The following KCNJ15 variants were observed in gnomAD, a reference collection of about 807,000 sequenced individuals.
KCNJ15 encodes the protein potassium inwardly rectifying channel subfamily J member 15.
Under a neutral mutation model 23.0 loss-of-function variants are expected in KCNJ15, and 14 were observed. The ratio of observed to expected loss-of-function variants is 0.61; its 90% CI spans 0.40 to 0.95. The LOEUF (loss-of-function observed/expected upper bound fraction) is 0.95. KCNJ15 is among the 40% of genes least tolerant of loss of function. The pLI is 0.00. For missense variants in KCNJ15, 388 were observed against 461.8 expected, an observed-to-expected ratio of 0.84 and a Z score of 1.46; for synonymous variants, 185 against 183.2, an observed-to-expected ratio of 1.01 and a Z score of -0.08.
intron 1 of KCNJ15, among the ~76,000 whole-genome samples, chr21:38,248,857 T>G (rs189273893): frequency 6.6e-6 from 1 of 152,250 alleles, no homozygotes; most frequent in East Asian, 1.9e-4. Context: ...CCTGATGTCT[T>G]CTGACAGAAC....
chr21:38,295,062 C>A (rs116138313), intron 1 of KCNJ15, among the ~76,000 whole-genome samples: 4,568 of 152,236 alleles, frequency 0.03, 210 homozygotes, highest in African/African-American at 0.1. Context: ...AGGATTAACC[C>A]TTTTCTCATT....
chr21:38,235,793 GTACT>G (rs974912963), intron 1 of KCNJ15, among the ~76,000 whole-genome samples: 1 of 152,112 alleles, frequency 6.6e-6, no homozygotes, highest in Non-Finnish European at 1.5e-5. Context: ...AAGATACTGA[GTACT>G]TAAAGTTACT....
At chr21:38,238,673 G>A in intron 1 of KCNJ15, 1 of 517,936 alleles carries the variant, frequency 1.9e-6, no homozygotes, top group Non-Finnish European at 3.6e-6. Flanking sequence ...TCTGGAGACT[G>A]TAATGTTTTA....
chr21:38,297,397 G>A (rs1321054974), intron 2 of KCNJ15, among the ~76,000 whole-genome samples: 6 of 152,204 alleles, frequency 3.9e-5, no homozygotes, highest in Non-Finnish European at 8.8e-5. Flanking sequence ...CTGGCAGAGG[G>A]CTGAGTGCCC....
rs1391012630 is a variant in KCNJ15 at position 38,305,851 on chromosome 21, A to G, written c.*5462A>G. 1 of 152,222 alleles carries G rather than the reference A, an allele frequency of 6.6e-6. No homozygotes were observed. The highest frequency in any genetic ancestry group is 1.5e-5 in the Non-Finnish European group (1 of 68,032). The allele number at this position is 152,222 out of a possible 1,614,324, so 9.4% of individuals were successfully genotyped here. On this transcript the variant is annotated 3_prime_UTR_variant, in exon 3 of 3. Coordinates refer to ENST00000398938, the MANE Select transcript of KCNJ15 (RefSeq NM_170736.3). ...TCTTTATTTGGAGTTTATGATATTCATACAACTAGTAGTAGAGTCAGGGAG... is the reference window on the plus strand; with the variant it reads ...TCTTTATTTGGAGTTTATGATATTCGTACAACTAGTAGTAGAGTCAGGGAG...
At chr21:38,288,160 C>G (rs1164878849) in intron 1 of KCNJ15, among the ~76,000 whole-genome samples, 1 of 149,476 alleles carries the variant, frequency 6.7e-6, no homozygotes, top group Non-Finnish European at 1.5e-5. Context: ...CCTGCCTCAG[C>G]CTCCCGAGCA....
rs1241831779 is a variant in KCNJ15 at position 38,300,175 on chromosome 21, T to A, written c.914T>A (p.Ile305Asn). The A allele has an allele frequency of 6.2e-7, 1 of 1,614,154 alleles. No homozygotes were observed. The highest frequency in any genetic ancestry group is 1.7e-5 in the Admixed American group (1 of 60,026). ...QSRTSYIPEE[I>N]YWGFEFVPVV... Reference sequence around the variant, plus strand: ...CGAACATCTTATATCCCAGAGGAAATCTACTGGGGTTTTGAGTTTGTGCCT... The same window carrying A: ...CGAACATCTTATATCCCAGAGGAAAACTACTGGGGTTTTGAGTTTGTGCCT... The change falls in exon 3 of 3, where the codon ATC (isoleucine) becomes AAC (asparagine). Residue 305 changes from isoleucine (I) to asparagine (N), a missense_variant. By Grantham distance (149) the Ile-to-Asn change is moderately radical. Transcript: ENST00000398938.
upstream of KCNJ15, among the ~76,000 whole-genome samples, chr21:38,253,024 C>T (rs1246480571): frequency 6.6e-6 from 1 of 152,200 alleles, no homozygotes; most frequent in Non-Finnish European, 1.5e-5. Context: ...CCTTTCTACT[C>T]TCAGTCAAAG....
intron 1 of KCNJ15, among the ~76,000 whole-genome samples, chr21:38,274,387 C>A (rs1982430560): frequency 6.7e-6 from 1 of 149,892 alleles, no homozygotes; most frequent in South Asian, 2.1e-4. Flanking sequence ...TTCTGTCCTC[C>A]TCTACTCCTC....
chr21:38,287,915 C>T (rs1311729073), intron 1 of KCNJ15, among the ~76,000 whole-genome samples: 1 of 151,506 alleles, frequency 6.6e-6, no homozygotes, highest in East Asian at 1.9e-4. Flanking sequence ...CTGTGTTCCA[C>T]TGCGATACAG....
rs150780303 is a variant in KCNJ15 at position 38,301,966 on chromosome 21, G to GCA, written c.*1590_*1591dup. The GCA allele has an allele frequency of 3.1e-4, 49 of 156,138 alleles. No homozygotes were observed. Among genetic ancestry groups the GCA allele is most frequent in the African/African-American group, 9.0e-4 (37 of 41,064 alleles). 9.7% of individuals were successfully genotyped at this position (156,138 alleles called of 1,614,324 possible). On this transcript the variant is annotated 3_prime_UTR_variant, in exon 3 of 3. Transcript: ENST00000398938. ...ACCAAGCACACACACAGTCACACAC[G>GCA]CACACACACACACATGCACACACGC...
chr21:38,255,047 A>T (rs1980096112), upstream of KCNJ15, among the ~76,000 whole-genome samples: 1 of 152,216 alleles, frequency 6.6e-6, no homozygotes, highest in Non-Finnish European at 1.5e-5. Flanking sequence ...TAAGACAGGT[A>T]CCATTGAGCT....
rs1327750151 is a variant in KCNJ15 at position 38,307,225 on chromosome 21, T to C, written c.*6836T>C. ...AATACCTACTTTTGTATGCTATGAA[T>C]TCATCCGTTTACTTGTCAAATCCTT... On this transcript the variant is annotated 3_prime_UTR_variant, in exon 3 of 3. Transcript: ENST00000398938. 1 of 152,256 alleles carries C rather than the reference T, an allele frequency of 6.6e-6. No homozygotes were observed. Among genetic ancestry groups the C allele is most frequent in the Non-Finnish European group, 1.5e-5 (1 of 68,052 alleles). 9.4% of individuals were successfully genotyped at this position (152,256 alleles called of 1,614,324 possible).
Position 38,300,128 on chromosome 21 carries a change from C to T in KCNJ15, c.867C>T (p.Ser289=), listed in dbSNP as rs1161352499. Residue 289 remains serine, a synonymous_variant, in exon 3 of 3, where the codon TCC becomes TCT. Transcript: ENST00000398938. ...TCCTCCTCAATGCCACTGTGGAATC[C>T]ACCAGCGCTGTCTGCCAGAGCCGAA... ...LVVLLNATVE[S]TSAVCQSRTS... is the part of the protein sequence containing the mutation. The T allele has an allele frequency of 2.5e-6, 4 of 1,614,170 alleles. No individual in the cohort carries two copies. The highest frequency in any genetic ancestry group is 2.2e-5 in the South Asian group (2 of 91,080).
chr21:38,232,195 T>C (rs1402410773), intron 1 of KCNJ15, among the ~76,000 whole-genome samples: 1 of 151,698 alleles, frequency 6.6e-6, no homozygotes, highest in Non-Finnish European at 1.5e-5. Context: ...GGTTTATGTG[T>C]TTTTAGAAAT....
intron 1 of KCNJ15, among the ~76,000 whole-genome samples, chr21:38,269,637 C>A (rs1037067592): frequency 6.6e-6 from 1 of 152,120 alleles, no homozygotes; most frequent in South Asian, 2.1e-4. Flanking sequence ...GAAAAAGCAC[C>A]GACCTCAGTG....
intron 1 of KCNJ15, among the ~76,000 whole-genome samples, chr21:38,289,133 G>T (rs781765460): frequency 8.8e-5 from 13 of 148,052 alleles, no homozygotes; most frequent in Admixed American, 2.0e-4. Flanking sequence ...GGAGGCTGAG[G>T]TTGCAGTGAG....
chr21:38,283,751 T>C (rs1983596737), intron 1 of KCNJ15, among the ~76,000 whole-genome samples: 1 of 143,568 alleles, frequency 7.0e-6, no homozygotes, highest in African/African-American at 2.5e-5. Flanking sequence ...TAGATTACTC[T>C]ATCGGACACC....
chr21:38,239,168 G>A lies in KCNJ15; in HGVS notation c.-398-17878G>A, dbSNP rs1011462055. ...CTTTTGTGTTTAATATTTCAGTGAG[G>A]CAGGTGTCCCTAAAGGCATGTTGAC... On this transcript the variant is annotated intron_variant, in intron 1 of 4. Transcript: ENST00000547341. Among the ~76,000 whole-genome samples, 63 of 152,158 alleles carry A rather than the reference G, an allele frequency of 4.1e-4. 1 individual carries two copies. Among genetic ancestry groups the A allele is most frequent in the African/African-American group, 1.4e-3 (59 of 41,426 alleles).
Sources: allele counts gnomAD v4.1 joint callset (sites outside exome capture counted in the v4.1 genomes callset), GRCh38; gene constraint gnomAD v4.1.1; transcripts MANE v1.5; gene names NCBI Gene and HGNC (gene_info 2026-07-23, HGNC 2026-07-21).